KLRG1: variants seen among roughly 807,000 people sequenced by gnomAD.
The protein encoded by KLRG1 is killer cell lectin-like receptor subfamily G member 1.
A neutral mutation model predicts 21.8 loss-of-function variants in KLRG1; 16 were observed. That is an observed-to-expected ratio of 0.73 (90% CI 0.50 to 1.11). The LOEUF is 1.11. Among genes scored for constraint, KLRG1 ranks in the 50% most tolerant of loss-of-function variants. The probability of loss-of-function intolerance (pLI) is 0.00; values close to 1 mark genes in which losing one functional copy is unlikely to be tolerated. For missense variants in KLRG1, 173 were observed against 218.3 expected (o/e 0.79, Z 1.31); for synonymous variants, 69 against 75.9 (o/e 0.91, Z 0.47).
At chr12:9,003,573 A>G (rs1368800501) in intron 3 of KLRG1, among the ~76,000 whole-genome samples, 3 of 151,924 alleles carry the variant, frequency 2.0e-5, no homozygotes, top group Non-Finnish European at 4.4e-5. Flanking sequence ...TTACAGTGTC[A>G]TTTCATCTGT....
chr12:9,084,809 A>G, the KLRG1 span, among the ~76,000 whole-genome samples: 2 of 152,154 alleles, frequency 1.3e-5, no homozygotes, highest in African/African-American at 4.8e-5. Context: ...AAGGACACAC[A>G]TAGACTGAAA....
intron 1 of KLRG1, among the ~76,000 whole-genome samples, chr12:8,957,005 CA>C (rs1946306101): frequency 6.6e-6 from 1 of 152,210 alleles, no homozygotes; most frequent in African/African-American, 2.4e-5. Flanking sequence ...TGGGTGGAGC[CA>C]GCCCAGTGGT....
the KLRG1 span, among the ~76,000 whole-genome samples, chr12:9,197,686 T>C: frequency 3.1e-5 from 3 of 97,872 alleles, no homozygotes; most frequent in African/African-American, 1.3e-4. Flanking sequence ...ATACAATACA[T>C]AATATATATA....
the KLRG1 span, chr12:9,202,188 G>A: frequency 2.5e-6 from 2 of 794,898 alleles, no homozygotes; most frequent in East Asian, 5.2e-5. Context: ...CTGCAAATCT[G>A]TGCTGAGGCT....
the KLRG1 span, among the ~76,000 whole-genome samples, chr12:9,107,866 T>C: frequency 2.0e-5 from 3 of 152,292 alleles, no homozygotes; most frequent in African/African-American, 7.2e-5. Flanking sequence ...CATTTCTTTT[T>C]TTTCCTCGTT....
the KLRG1 span, chr12:9,095,669 G>A: frequency 2.2e-5 from 35 of 1,602,722 alleles, no homozygotes; most frequent in Admixed American, 2.2e-4. Context: ...AGGGAAGCCA[G>A]TGAGGTCCTT....
At chr12:8,957,282 C>T (rs1474072715) in intron 1 of KLRG1, among the ~76,000 whole-genome samples, 1 of 152,182 alleles carries the variant, frequency 6.6e-6, no homozygotes, top group Non-Finnish European at 1.5e-5. Flanking sequence ...AGCATCTAAC[C>T]CAGTTGCCTT....
At chr12:9,027,992 T>C in the KLRG1 span, 6 of 1,108,392 alleles carry the variant, frequency 5.4e-6, no homozygotes, top group Non-Finnish European at 8.2e-6. Flanking sequence ...CAGTATGGTA[T>C]TTCTGAATGA....
chr12:9,009,753 C>T lies in KLRG1; in HGVS notation c.*216C>T. ...GATATTATGTGAGCAATTTAAAGACCAGATCTAAGCAAATTTTGAAATAGA... is the reference window on the plus strand; with the variant it reads ...GATATTATGTGAGCAATTTAAAGACTAGATCTAAGCAAATTTTGAAATAGA... On this transcript the variant is annotated 3_prime_UTR_variant, in exon 5 of 5. Coordinates refer to ENST00000356986, the MANE Select transcript of KLRG1 (RefSeq NM_005810.4). 7.1e-7 allele frequency: 1 copy of T among 1,414,372 alleles called. No individual in the cohort carries two copies. The highest frequency in any genetic ancestry group is 9.2e-7 in the Non-Finnish European group (1 of 1,090,182). The allele number at this position is 1,414,372 out of a possible 1,614,324, so 87.6% of individuals were successfully genotyped here. A position where few individuals can be genotyped will look rare whatever the true frequency, so the allele number is the denominator to read the frequency against.
the KLRG1 span, among the ~76,000 whole-genome samples, chr12:9,047,681 G>A: frequency 6.6e-6 from 1 of 151,970 alleles, no homozygotes; most frequent in East Asian, 1.9e-4. Flanking sequence ...AAATATAAAG[G>A]ATAGATTGAA....
At chr12:8,963,489 G>A (rs913759131) in intron 1 of KLRG1, among the ~76,000 whole-genome samples, 1 of 152,112 alleles carries the variant, frequency 6.6e-6, no homozygotes, top group Non-Finnish European at 1.5e-5. Flanking sequence ...ATTGGTCTAA[G>A]ATTCTCTTTT....
At chr12:9,019,901 A>T in the KLRG1 span, among the ~76,000 whole-genome samples, 1 of 151,932 alleles carries the variant, frequency 6.6e-6, no homozygotes, top group Non-Finnish European at 1.5e-5. Context: ...TTTTTTACTC[A>T]CTGCATCAGA....
At chr12:9,056,837 G>A in the KLRG1 span, among the ~76,000 whole-genome samples, 2 of 152,168 alleles carry the variant, frequency 1.3e-5, no homozygotes, top group African/African-American at 4.8e-5. Flanking sequence ...ATAGGCATAA[G>A]CCACTGTGCC....
chr12:8,995,156 C>G lies in KLRG1; in HGVS notation c.225C>G (p.Cys75Trp). 1 of 1,612,778 alleles carries G rather than the reference C, an allele frequency of 6.2e-7. No homozygotes were observed. The highest frequency in any genetic ancestry group is 1.1e-5 in the South Asian group (1 of 90,774). The stretch of plus-strand genomic sequence containing the variant: ...CCACTTGTGCCAGCTGTCCTAGCTG[C>G]CCAGACCGCTGGATGAAATATGGTA... ...NYSTCASCPS[C>W]PDRWMKYGNH... is the part of the protein sequence containing the mutation. Residue 75 changes from cysteine to tryptophan, a missense_variant, in exon 3 of 5, where the codon TGC becomes TGG. By Grantham distance (215) the Cys-to-Trp change is radical (BLOSUM62 -2). Around this residue, in one of 3 missense-constraint regions of KLRG1, gnomAD observed 144 missense variants for 161.5 expected, o/e 0.89. Coordinates refer to ENST00000356986, the MANE Select transcript of KLRG1 (RefSeq NM_005810.4).
the KLRG1 span, among the ~76,000 whole-genome samples, chr12:9,088,121 T>G: frequency 1.3e-5 from 2 of 152,134 alleles, no homozygotes; most frequent in Non-Finnish European, 2.9e-5. Context: ...AGAATGAAAC[T>G]TATACAGTTT....
the KLRG1 span, chr12:9,037,120 G>A: frequency 6.2e-6 from 1 of 161,614 alleles, no homozygotes; most frequent in Non-Finnish European, 1.4e-5. Context: ...GAAGGAAAGA[G>A]ACTTCATTTA....
At chr12:8,980,810 G>A (rs1946743066) in intron 1 of KLRG1, among the ~76,000 whole-genome samples, 2 of 152,194 alleles carry the variant, frequency 1.3e-5, no homozygotes, top group African/African-American at 4.8e-5. Context: ...GTCCTTGGCA[G>A]TTAAGGCTGT....
In KLRG1 at chr12:9,010,101, G is replaced by A. The variant is rs761294179; in HGVS notation, c.*564G>A. On this transcript the variant is annotated 3_prime_UTR_variant, in exon 5 of 5. Coordinates refer to ENST00000356986, the MANE Select transcript of KLRG1 (RefSeq NM_005810.4). ...TTTGGGAAGCTGAGGTGGGAGGGTCGCTTGAGCCCAGGAGTTTGAGGCTGC... is the reference window on the plus strand; with the variant it reads ...TTTGGGAAGCTGAGGTGGGAGGGTCACTTGAGCCCAGGAGTTTGAGGCTGC... 64 of 1,252,590 alleles carry A rather than the reference G, an allele frequency of 5.1e-5. No individual in the cohort carries two copies. Among genetic ancestry groups the A allele is most frequent in the African/African-American group, 4.5e-4 (30 of 67,238 alleles). 77.6% of individuals were successfully genotyped at this position (1,252,590 alleles called of 1,614,324 possible).
chr12:9,194,834 G>T, the KLRG1 span, among the ~76,000 whole-genome samples: 1 of 152,142 alleles, frequency 6.6e-6, no homozygotes, highest in Non-Finnish European at 1.5e-5. Context: ...TAAAAGAAAT[G>T]AATTTAAACT....
Sources: allele counts gnomAD v4.1 joint callset (sites outside exome capture counted in the v4.1 genomes callset), GRCh38; gene constraint gnomAD v4.1.1; regional missense constraint gnomAD v4.1.1; transcripts MANE v1.5; gene names NCBI Gene and HGNC (gene_info 2026-07-23, HGNC 2026-07-21).